Variants in SNTG2 observed in about 807,000 individuals in gnomAD.
SNTG2 encodes gamma-2-syntrophin.
A neutral mutation model predicts 70.9 loss-of-function variants in SNTG2; 74 were observed. The observed-to-expected ratio is 1.04, with a 90% CI of 0.86 to 1.27. SNTG2 has a LOEUF of 1.27. Ranked by LOEUF, SNTG2 falls within the 50% of genes most tolerant of loss-of-function variation. SNTG2 has a pLI of 0.00. For missense variants in SNTG2, 717 were observed against 690.7 expected (o/e 1.04, Z -0.43); for synonymous variants, 278 against 273.8 (o/e 1.02, Z -0.15).
intron 1 of SNTG2, among the ~76,000 whole-genome samples, chr2:982,398 C>T (rs545422876): frequency 6.6e-5 from 10 of 152,290 alleles, no homozygotes; most frequent in African/African-American, 1.7e-4. Context: ...CACACCCCCT[C>T]GGTACACGGA....
intron 16 of SNTG2, among the ~76,000 whole-genome samples, chr2:1,349,918 G>A (rs145876572): frequency 1.8e-3 from 267 of 152,218 alleles, no homozygotes; most frequent in African/African-American, 6.0e-3. Flanking sequence ...CTCACAGCCC[G>A]CCCAGGCTCA....
chr2:1,363,130 C>CCCT (rs1553287830), intron 16 of SNTG2, among the ~76,000 whole-genome samples: 1 of 12,736 alleles, frequency 7.9e-5, no homozygotes, highest in Non-Finnish European at 1.6e-4. Flanking sequence ...ACAAAATGGA[C>CCCT]CCCCCCCATG....
chr2:1,304,066 GA>G (rs1397581463), intron 14 of SNTG2, among the ~76,000 whole-genome samples: 1 of 152,058 alleles, frequency 6.6e-6, no homozygotes, highest in African/African-American at 2.4e-5. Flanking sequence ...TCTTCTAGAA[GA>G]AAAAAGGAAG....
intron 16 of SNTG2, among the ~76,000 whole-genome samples, chr2:1,350,826 C>T (rs1160006607): frequency 6.6e-6 from 1 of 152,036 alleles, no homozygotes; most frequent in Non-Finnish European, 1.5e-5. Context: ...TAATGACTAG[C>T]CTTACGAAAG....
At chr2:1,216,496 T>G (rs1476706123) in intron 9 of SNTG2, among the ~76,000 whole-genome samples, 3 of 152,334 alleles carry the variant, frequency 2.0e-5, no homozygotes, top group Admixed American at 6.5e-5. Context: ...TTTCTCCCAT[T>G]CTGTAGGTTG....
chr2:1,284,902 C>T (rs62108109), intron 14 of SNTG2, among the ~76,000 whole-genome samples: 61,429 of 151,172 alleles, frequency 0.41, 12,549 homozygotes, highest in Middle Eastern at 0.51. Context: ...TACAGGGACA[C>T]AATAGGAGAT....
intron 1 of SNTG2, among the ~76,000 whole-genome samples, chr2:1,070,671 A>G (rs1572358348): frequency 1.3e-5 from 2 of 152,182 alleles, no homozygotes; most frequent in East Asian, 3.9e-4. Flanking sequence ...AATCAAATCT[A>G]TCTTGCCTCA....
intron 2 of SNTG2, among the ~76,000 whole-genome samples, chr2:1,096,214 A>G (rs1167946363): frequency 2.0e-5 from 3 of 152,190 alleles, no homozygotes; most frequent in Non-Finnish European, 4.4e-5. Flanking sequence ...TTGAGCTACA[A>G]CTAATAAAAA....
chr2:1,292,153 G>T (rs761346470), intron 14 of SNTG2, among the ~76,000 whole-genome samples: 22 of 152,088 alleles, frequency 1.4e-4, no homozygotes, highest in Non-Finnish European at 2.9e-4. Flanking sequence ...TTAGCATATA[G>T]AAATAAAACT....
chr2:1,261,653 T>C (rs1363002194), intron 13 of SNTG2, among the ~76,000 whole-genome samples: 2 of 152,110 alleles, frequency 1.3e-5, no homozygotes, highest in Admixed American at 1.3e-4. Flanking sequence ...AACCTAAAGA[T>C]ACCCCATTAA....
At chr2:1,279,417 C>T (rs1205793710) in intron 14 of SNTG2, among the ~76,000 whole-genome samples, 1 of 152,228 alleles carries the variant, frequency 6.6e-6, no homozygotes, top group Non-Finnish European at 1.5e-5. Context: ...GAAGAAACAT[C>T]GTATAGAGCA....
intron 6 of SNTG2, among the ~76,000 whole-genome samples, chr2:1,142,478 C>A (rs1270963109): frequency 1.4e-5 from 2 of 143,636 alleles, no homozygotes; most frequent in Non-Finnish European, 3.0e-5. Flanking sequence ...GATGGTGGAG[C>A]CTTCCTCACT....
At chr2:1,356,306 T>G (rs766530090) in intron 16 of SNTG2, among the ~76,000 whole-genome samples, 32 of 152,346 alleles carry the variant, frequency 2.1e-4, no homozygotes, top group Admixed American at 1.0e-3. Flanking sequence ...TTCTAGAAAT[T>G]TTATAGTTTC....
intron 6 of SNTG2, among the ~76,000 whole-genome samples, chr2:1,163,942 TAAATCC>T (rs1670518671): frequency 6.6e-6 from 1 of 152,206 alleles, no homozygotes; most frequent in Non-Finnish European, 1.5e-5. Flanking sequence ...TCAAACTTTC[TAAATCC>T]AGTCTTCAAA....
chr2:1,308,453 T>C (rs1680813182), intron 14 of SNTG2, 41 bp from the exon 15 acceptor site: 1 of 1,519,688 alleles, frequency 6.6e-7, no homozygotes. Context: ...TTAAACAGCA[T>C]TATTAAAGAA....
chr2:1,184,914 A>G (rs1378363488), intron 8 of SNTG2, among the ~76,000 whole-genome samples: 1 of 152,160 alleles, frequency 6.6e-6, no homozygotes, highest in Admixed American at 6.5e-5. Context: ...GTCAGCATTA[A>G]CTCAAAAGTC....
At chr2:975,128 C>A (rs1373474750) in intron 1 of SNTG2, among the ~76,000 whole-genome samples, 1 of 151,974 alleles carries the variant, frequency 6.6e-6, no homozygotes, top group East Asian at 1.9e-4. Context: ...TGCACTAACA[C>A]CCGTGAGCAA....
chr2:1,205,458 C>G (rs1285586408), intron 8 of SNTG2, among the ~76,000 whole-genome samples: 2 of 152,120 alleles, frequency 1.3e-5, no homozygotes, highest in Admixed American at 6.5e-5. Context: ...CCCCAAAGAA[C>G]CAGAGCTGGG....
intron 16 of SNTG2, among the ~76,000 whole-genome samples, chr2:1,340,775 T>G (rs545692696): frequency 6.6e-6 from 1 of 152,364 alleles, no homozygotes; most frequent in South Asian, 2.1e-4. Context: ...AAAATAATTT[T>G]TCCATCTTTT....
Sources: allele counts gnomAD v4.1 joint callset (sites outside exome capture counted in the v4.1 genomes callset), GRCh38; gene constraint gnomAD v4.1.1; transcripts MANE v1.5; gene names NCBI Gene and HGNC (gene_info 2026-07-23, HGNC 2026-07-21).